Variants in NKAIN3 observed in about 807,000 individuals in gnomAD.
NKAIN3 encodes sodium/potassium-transporting ATPase subunit beta-1-interacting protein 3.
Under a neutral mutation model 30.2 loss-of-function variants are expected in NKAIN3, and 25 were observed. The observed-to-expected ratio is 0.83, with a 90% CI of 0.60 to 1.16. The LOEUF is 1.16. Among genes scored for constraint, NKAIN3 ranks in the 50% most tolerant of loss-of-function variants. NKAIN3 has a pLI of 0.00. For synonymous variants in NKAIN3, 91 were observed against 89.6 expected (o/e 1.02, Z -0.09); for missense variants, 225 against 254.1 (o/e 0.89, Z 0.78).
At chr8:62,636,977 T>A (rs1812148831) in intron 3 of NKAIN3, among the ~76,000 whole-genome samples, 1 of 152,196 alleles carries the variant, frequency 6.6e-6, no homozygotes, top group Admixed American at 6.5e-5. Context: ...TTTCTTATTT[T>A]ACGTGAAAAT....
chr8:62,362,548 G>T lies in NKAIN3; in HGVS notation c.54+113421G>T, dbSNP rs115701729. Among the ~76,000 whole-genome samples, 218 of 152,268 alleles carry T rather than the reference G, an allele frequency of 1.4e-3. 1 individual carries two copies. The highest frequency in any genetic ancestry group is 5.0e-3 in the African/African-American group (209 of 41,544). On this transcript the variant is annotated intron_variant, in intron 1 of 6. Coordinates refer to ENST00000623646, the MANE Select transcript of NKAIN3 (RefSeq NM_001304533.3). ...GAAACTGTAAGAGAAGCAGGCAAGA[G>T]AAACTGCAGAACCCAAGAGAAACTG...
intron 4 of NKAIN3, among the ~76,000 whole-genome samples, chr8:62,792,451 G>A (rs986306694): frequency 9.8e-4 from 18 of 18,320 alleles, no homozygotes; most frequent in African/African-American, 3.1e-3. Context: ...AAATTGGACT[G>A]TTATTTCCAA....
chr8:62,345,496 C>CATATATGT lies in NKAIN3; in HGVS notation c.54+96375_54+96376insGTATATAT, dbSNP rs1554669304. On this transcript the variant is annotated intron_variant, in intron 1 of 6. Coordinates refer to ENST00000623646, the MANE Select transcript of NKAIN3 (RefSeq NM_001304533.3). ...ATACACATATATGTATATATACACA[C>CATATATGT]ATATATACACATATATACACATATA... Among the ~76,000 whole-genome samples the CATATATGT allele has an allele frequency of 2.8e-4, 33 of 117,524 alleles. 1 individual carries two copies. The highest frequency in any genetic ancestry group is 2.7e-4 in the Non-Finnish European group (16 of 59,000). 77.1% of individuals were successfully genotyped at this position (117,524 alleles called of 152,430 possible).
chr8:62,428,941 C>T (rs1427178203), intron 1 of NKAIN3, among the ~76,000 whole-genome samples: 1 of 151,848 alleles, frequency 6.6e-6, no homozygotes, highest in Non-Finnish European at 1.5e-5. Flanking sequence ...ATGTTTTCTT[C>T]TAGTAGTTTC....
chr8:62,439,542 G>A (rs930403564), intron 1 of NKAIN3, among the ~76,000 whole-genome samples: 1 of 152,144 alleles, frequency 6.6e-6, no homozygotes, highest in Non-Finnish European at 1.5e-5. Flanking sequence ...TTCATCCTGA[G>A]TAAAAAAATG....
intron 1 of NKAIN3, among the ~76,000 whole-genome samples, chr8:62,501,729 TA>T (rs1314363158): frequency 6.6e-6 from 1 of 152,202 alleles, no homozygotes; most frequent in Non-Finnish European, 1.5e-5. Flanking sequence ...TTACTCAACT[TA>T]AAAGCTGAAA....
At chr8:62,727,574 T>C (rs1815299579) in intron 3 of NKAIN3, among the ~76,000 whole-genome samples, 1 of 152,144 alleles carries the variant, frequency 6.6e-6, no homozygotes, top group African/African-American at 2.4e-5. Context: ...GCATTTGAAG[T>C]TAAAAACACA....
intron 4 of NKAIN3, among the ~76,000 whole-genome samples, chr8:62,778,885 T>G (rs1013126231): frequency 6.6e-6 from 1 of 152,110 alleles, no homozygotes; most frequent in Admixed American, 6.6e-5. Flanking sequence ...TGGGTATTCC[T>G]GCTGATTATT....
At chr8:62,930,117 A>C (rs1585587759) in intron 5 of NKAIN3, among the ~76,000 whole-genome samples, 1 of 152,342 alleles carries the variant, frequency 6.6e-6, no homozygotes, top group South Asian at 2.1e-4. Context: ...CATTAGGTAC[A>C]TTCAGAGTGT....
At chr8:62,578,781 A>G (rs1810201144) in intron 1 of NKAIN3, among the ~76,000 whole-genome samples, 1 of 152,098 alleles carries the variant, frequency 6.6e-6, no homozygotes, top group African/African-American at 2.4e-5. Context: ...GAAATAAGCC[A>G]ATCACAGAAA....
chr8:62,556,079 A>G (rs1233817411), intron 1 of NKAIN3, among the ~76,000 whole-genome samples: 2 of 152,080 alleles, frequency 1.3e-5, no homozygotes, highest in East Asian at 3.8e-4. Flanking sequence ...TCAGAAAGAA[A>G]GTCTGAGAGA....
intron 1 of NKAIN3, 96 bp from the exon 2 acceptor site, chr8:62,579,443 G>T: frequency 7.8e-6 from 7 of 900,472 alleles, no homozygotes; most frequent in Non-Finnish European, 1.1e-5. Flanking sequence ...TGTGATTGAA[G>T]TTGAATATGC....
At chr8:62,905,666 C>T (rs1005993218) in intron 4 of NKAIN3, among the ~76,000 whole-genome samples, 1 of 152,152 alleles carries the variant, frequency 6.6e-6, no homozygotes, top group South Asian at 2.1e-4. Flanking sequence ...TCCACTGGTC[C>T]AGTCCAGTGT....
intron 3 of NKAIN3, among the ~76,000 whole-genome samples, chr8:62,693,568 A>C (rs1212118562): frequency 6.6e-6 from 1 of 152,232 alleles, no homozygotes; most frequent in Non-Finnish European, 1.5e-5. Flanking sequence ...CTGAAATTTC[A>C]TAAGTTCTGC....
chr8:62,676,413 A>G (rs1157703816), intron 3 of NKAIN3, among the ~76,000 whole-genome samples: 1 of 152,110 alleles, frequency 6.6e-6, no homozygotes, highest in East Asian at 1.9e-4. Context: ...CTAAAAATAC[A>G]AAAAAATTAG....
chr8:62,468,459 C>T lies in NKAIN3; in HGVS notation c.55-111080C>T, dbSNP rs371967269. Among the ~76,000 whole-genome samples, 3 of 152,226 alleles carry T rather than the reference C, an allele frequency of 2.0e-5. No homozygotes were observed. The East Asian group carries it at 5.8e-4, about 30-fold the overall frequency. On this transcript the variant is annotated intron_variant, in intron 1 of 6. Transcript: ENST00000623646. ...AGTGTCTTGAGGCCAGGTAAGAGCT[C>T]ACCAGGGAGCAATGAAGAGATGTTT...
At chr8:62,509,491 C>A (rs1376578182) in intron 1 of NKAIN3, among the ~76,000 whole-genome samples, 2 of 152,126 alleles carry the variant, frequency 1.3e-5, no homozygotes, top group East Asian at 3.9e-4. Flanking sequence ...ATAAAAACAG[C>A]CTTGGGTTTT....
Position 62,517,312 on chromosome 8 carries a change from C to T in NKAIN3, c.55-62227C>T, listed in dbSNP as rs534511544. Among the ~76,000 whole-genome samples, 3 of 152,170 alleles carry T rather than the reference C, an allele frequency of 2.0e-5. No homozygotes were observed. In the East Asian group the frequency reaches 5.8e-4, roughly 29 times the overall value. On this transcript the variant is annotated intron_variant, in intron 1 of 6. Transcript: ENST00000623646. ...AAATATGCTGTTATAACAAATATCA[C>T]CAAACTCTGAAAGTTTATTTCTTAC... is the stretch of plus-strand genomic sequence containing the variant.
In NKAIN3 at chr8:62,863,571, A is replaced by G. The variant is rs189385939; in HGVS notation, c.472-54882A>G. ...TGGCCAAGTACTCCCAAGACCATGC[A>G]GACATGTATCCCATTCATGCCTGAA... is the stretch of plus-strand genomic sequence containing the variant. On this transcript the variant is annotated intron_variant, in intron 4 of 6. Transcript: ENST00000623646. 7.6e-4 allele frequency: 889 copies of G among 1,175,320 alleles called. 4 individuals are homozygous for G. In the Middle Eastern group the frequency reaches 0.011, roughly 15 times the overall value. The allele number at this position is 1,175,320 out of a possible 1,614,324, so 72.8% of individuals were successfully genotyped here.
Sources: allele counts gnomAD v4.1 joint callset (sites outside exome capture counted in the v4.1 genomes callset), GRCh38; gene constraint gnomAD v4.1.1; transcripts MANE v1.5; gene names NCBI Gene and HGNC (gene_info 2026-07-23, HGNC 2026-07-21).